The following KLHL2 variants were observed in gnomAD, a reference collection of about 807,000 sequenced individuals.
KLHL2 encodes the protein kelch-like protein 2.
A neutral mutation model predicts 75.8 loss-of-function variants in KLHL2; 15 were observed. The observed-to-expected ratio is 0.20, with a 90% CI of 0.13 to 0.30. The LOEUF (loss-of-function observed/expected upper bound fraction) is 0.30. KLHL2 is among the 10% of genes least tolerant of loss of function. The probability of loss-of-function intolerance (pLI) is 1.00; values close to 1 mark genes in which losing one functional copy is unlikely to be tolerated. For missense variants in KLHL2, 381 were observed against 741.0 expected (o/e 0.51, Z 5.64); for synonymous variants, 214 against 251.9 (o/e 0.85, Z 1.42).
chr4:165,273,144 A>G (rs1449992523), intron 5 of KLHL2, among the ~76,000 whole-genome samples: 1 of 152,188 alleles, frequency 6.6e-6, no homozygotes. Flanking sequence ...TTTTGTTTTA[A>G]TTATAACCTT....
At chr4:165,321,230 C>T (rs1382833880) in intron 14 of KLHL2, 2 of 455,274 alleles carry the variant, frequency 4.4e-6, no homozygotes, top group South Asian at 3.1e-5. Context: ...CCCCTGCCTT[C>T]CCTTCCACCT....
At chr4:165,244,045 A>G (rs189419707) in intron 4 of KLHL2, among the ~76,000 whole-genome samples, 6 of 145,780 alleles carry the variant, frequency 4.1e-5, no homozygotes, top group Admixed American at 2.7e-4. Flanking sequence ...TGCACCAACT[A>G]TAATTTCCAG....
chr4:165,229,193 G>A (rs947881321), intron 3 of KLHL2, among the ~76,000 whole-genome samples: 1 of 151,880 alleles, frequency 6.6e-6, no homozygotes, highest in Non-Finnish European at 1.5e-5. Flanking sequence ...TAGCTTTTTG[G>A]CACTTTATTA....
At chr4:165,321,393 T>G (rs1379720477) in intron 14 of KLHL2, 1 of 421,992 alleles carries the variant, frequency 2.4e-6, no homozygotes, top group Non-Finnish European at 4.7e-6. Flanking sequence ...TAGTTCCTCT[T>G]CCTTATGACT....
intron 5 of KLHL2, among the ~76,000 whole-genome samples, chr4:165,281,050 C>T (rs1743628913): frequency 6.6e-6 from 1 of 152,180 alleles, no homozygotes; most frequent in Non-Finnish European, 1.5e-5. Flanking sequence ...TTGTGGATCT[C>T]AGAGACTATT....
intron 5 of KLHL2, among the ~76,000 whole-genome samples, chr4:165,289,748 T>G (rs914399532): frequency 6.6e-6 from 1 of 152,218 alleles, no homozygotes; most frequent in Non-Finnish European, 1.5e-5. Flanking sequence ...CACCACCAAG[T>G]TGGCTTTTTA....
At chr4:165,314,261 T>C in intron 13 of KLHL2, 95 bp downstream of exon 13, 3 of 1,210,070 alleles carry the variant, frequency 2.5e-6, no homozygotes, top group South Asian at 2.9e-5. Context: ...GTATTTCCAT[T>C]GTTCTTTTAC....
intron 3 of KLHL2, among the ~76,000 whole-genome samples, chr4:165,230,512 C>CT (rs1213462158): frequency 6.6e-6 from 1 of 151,006 alleles, no homozygotes; most frequent in Admixed American, 6.6e-5. Context: ...CTTTTTTACT[C>CT]TAACTTCCTA....
intron 1 of KLHL2, 146 bp downstream of exon 1, chr4:165,208,048 C>T (rs1033853872): frequency 4.3e-5 from 19 of 442,736 alleles, no homozygotes; most frequent in African/African-American, 4.0e-4. Context: ...GCTGTGCCCG[C>T]AGTCCTGAGC....
rs537815310 is a variant in KLHL2, at chr4:165,269,718, C to T, written c.544+6359C>T. Reference sequence around the variant, plus strand: ...GATGAGCTTCCCTTTGTGGGTAACCCGACCTTTCTCTCTGGCTGCCCTTAA... The same window carrying T: ...GATGAGCTTCCCTTTGTGGGTAACCTGACCTTTCTCTCTGGCTGCCCTTAA... On this transcript the variant is annotated intron_variant, in intron 5 of 14. Transcript: ENST00000226725. Among the ~76,000 whole-genome samples the T allele has an allele frequency of 4.6e-5, 7 of 151,650 alleles. No individual in the cohort carries two copies. The South Asian group carries it at 1.0e-3, about 22-fold the overall frequency.
At chr4:165,291,571 G>A (rs1034633216) in intron 5 of KLHL2, among the ~76,000 whole-genome samples, 1 of 152,144 alleles carries the variant, frequency 6.6e-6, no homozygotes, top group Non-Finnish European at 1.5e-5. Flanking sequence ...AACATCATTT[G>A]TTGAAAAGAC....
At chr4:165,286,477 G>A (rs1327052393) in intron 5 of KLHL2, among the ~76,000 whole-genome samples, 1 of 152,064 alleles carries the variant, frequency 6.6e-6, no homozygotes, top group Non-Finnish European at 1.5e-5. Flanking sequence ...AAGGCAGGCA[G>A]GACCATAGTA....
At chr4:165,288,312 A>G (rs781217845) in intron 5 of KLHL2, among the ~76,000 whole-genome samples, 1 of 152,156 alleles carries the variant, frequency 6.6e-6, no homozygotes, top group South Asian at 2.1e-4. Flanking sequence ...TACCATATAC[A>G]TGAGGATTTA....
intron 8 of KLHL2, among the ~76,000 whole-genome samples, chr4:165,300,686 A>C (rs1553963447): frequency 6.6e-6 from 1 of 152,190 alleles, no homozygotes; most frequent in Non-Finnish European, 1.5e-5. Flanking sequence ...TACTTTAAGC[A>C]CCATTTTGTG....
intron 5 of KLHL2, chr4:165,277,748 A>AACAC (rs56079802): frequency 0.017 from 9,247 of 533,298 alleles, 53 homozygotes; most frequent in African/African-American, 0.031. Context: ...GGATGTTAAA[A>AACAC]ACACACACAC....
At chr4:165,230,626 T>C (rs1190260006) in intron 3 of KLHL2, among the ~76,000 whole-genome samples, 1 of 152,062 alleles carries the variant, frequency 6.6e-6, no homozygotes, top group African/African-American at 2.4e-5. Context: ...ATAGAGTGAT[T>C]AACTTACACC....
chr4:165,269,405 A>T (rs1043752495), intron 5 of KLHL2, among the ~76,000 whole-genome samples: 4 of 152,080 alleles, frequency 2.6e-5, no homozygotes, highest in African/African-American at 9.7e-5. Flanking sequence ...TCTTCATAGC[A>T]TCCATGGTCT....
At chr4:165,208,614 T>C (rs756607223) in intron 1 of KLHL2, 1 of 152,232 alleles carries the variant, frequency 6.6e-6, no homozygotes, top group Admixed American at 6.5e-5. Flanking sequence ...TGAAACATTA[T>C]GTAGAAGACA....
intron 4 of KLHL2, among the ~76,000 whole-genome samples, chr4:165,258,182 A>G (rs1487973525): frequency 6.6e-6 from 1 of 152,194 alleles, no homozygotes; most frequent in Non-Finnish European, 1.5e-5. Flanking sequence ...CAGTGCATAC[A>G]CTATATGGAA....
Sources: gnomAD v4.1 joint callset for allele counts (sites outside exome capture counted in the v4.1 genomes callset) on GRCh38, gnomAD v4.1.1 for gene constraint, MANE v1.5 for transcripts, NCBI Gene and HGNC (gene_info 2026-07-23, HGNC 2026-07-21) for gene names.